The following NALF1 variants were observed in gnomAD, a reference collection of about 807,000 sequenced individuals.
The protein encoded by NALF1 is NALCN channel auxiliary factor 1.
Under a neutral mutation model 48.4 loss-of-function variants are expected in NALF1, and 3 were observed. The ratio of observed to expected loss-of-function variants is 0.06; its 90% CI spans 0.03 to 0.16. The LOEUF (loss-of-function observed/expected upper bound fraction) is 0.16. Among genes scored for constraint, NALF1 ranks in the 10% least tolerant of loss-of-function variants. The pLI is 1.00. For missense variants in NALF1, 526 were observed against 571.5 expected (o/e 0.92, Z 0.81); for synonymous variants, 262 against 245.7 (o/e 1.07, Z -0.62).
chr13:107,798,539 C>T lies in NALF1; in HGVS notation c.915+67143G>A, dbSNP rs1878503304. On this transcript the variant is annotated intron_variant, in intron 1 of 2. Transcript: ENST00000375915. ...TTCCCTATCATCTTATATATCCTTC[C>T]TTTACTTCAGTTCTCGTGTTTGTGT... is the stretch of plus-strand genomic sequence containing the variant. 2.6e-5 allele frequency among the ~76,000 whole-genome samples: 4 copies of T among 152,088 alleles called. No homozygotes were observed. In the South Asian group the frequency reaches 8.3e-4, roughly 32 times the overall value.
At chr13:107,786,298 C>T (rs1878068186) in intron 1 of NALF1, among the ~76,000 whole-genome samples, 1 of 151,274 alleles carries the variant, frequency 6.6e-6, no homozygotes, top group African/African-American at 2.4e-5. Context: ...TGCCTGTAAT[C>T]CCAGCTACTT....
intron 1 of NALF1, among the ~76,000 whole-genome samples, chr13:107,794,087 T>A (rs750108499): frequency 3.9e-5 from 6 of 152,196 alleles, no homozygotes; most frequent in Non-Finnish European, 5.9e-5. Context: ...AAGAGTTAAA[T>A]GTCTTATTTA....
chr13:107,780,066 T>C (rs1158648051), intron 1 of NALF1, among the ~76,000 whole-genome samples: 1 of 151,862 alleles, frequency 6.6e-6, no homozygotes, highest in Non-Finnish European at 1.5e-5. Context: ...ACTTTACAAT[T>C]GCTACTGCGG....
chr13:107,809,096 T>C (rs1419698071), intron 1 of NALF1, among the ~76,000 whole-genome samples: 1 of 151,876 alleles, frequency 6.6e-6, no homozygotes, highest in Non-Finnish European at 1.5e-5. Flanking sequence ...GGGAAGCAGA[T>C]TCAATTTTAA....
At chr13:107,347,351 T>A (rs991076715) in intron 1 of NALF1, among the ~76,000 whole-genome samples, 10 of 152,186 alleles carry the variant, frequency 6.6e-5, no homozygotes, top group African/African-American at 2.2e-4. Flanking sequence ...TCCTCAGCCC[T>A]GCTGAAACAA....
chr13:107,414,677 T>C (rs9301223), intron 1 of NALF1, among the ~76,000 whole-genome samples: 30,979 of 151,860 alleles, frequency 0.2, 3,592 homozygotes, highest in Middle Eastern at 0.27. Context: ...TTAAAAGGAA[T>C]AGTTCTATCA....
intron 1 of NALF1, among the ~76,000 whole-genome samples, chr13:107,528,999 T>G (rs1233820314): frequency 1.3e-5 from 2 of 152,282 alleles, no homozygotes; most frequent in East Asian, 1.9e-4. Flanking sequence ...TAACCCTGCT[T>G]ATTTTCCAAT....
chr13:107,333,666 AAATACTC>A (rs1882508185), intron 1 of NALF1, among the ~76,000 whole-genome samples: 1 of 152,232 alleles, frequency 6.6e-6, no homozygotes. Flanking sequence ...GAAAAAGACC[AAATACTC>A]ATATACTTGA....
In NALF1 at chr13:107,807,010, C is replaced by T. The variant is rs192702891; in HGVS notation, c.915+58672G>A. Reference sequence around the variant, plus strand: ...TTGGTGAATTCCAATGTGTTTGAAACTCTAAATATCACGCCAGTAGACACT... The same window carrying T: ...TTGGTGAATTCCAATGTGTTTGAAATTCTAAATATCACGCCAGTAGACACT... On this transcript the variant is annotated intron_variant, in intron 1 of 2. Coordinates refer to ENST00000375915, the MANE Select transcript of NALF1 (RefSeq NM_001080396.3). Among the ~76,000 whole-genome samples the T allele has an allele frequency of 1.5e-3, 230 of 152,180 alleles. 2 individuals are homozygous for T. In the East Asian group the frequency reaches 0.029, roughly 19 times the overall value.
At chr13:107,337,064 AAAAAAAAAAAAAAT>A (rs1170881142) in intron 1 of NALF1, among the ~76,000 whole-genome samples, 10 of 124,688 alleles carry the variant, frequency 8.0e-5, no homozygotes, top group South Asian at 2.5e-4. Flanking sequence ...AAAAAAAAAA[AAAAAAAAAAAAAAT>A]GTCAGAAGAA....
intron 1 of NALF1, among the ~76,000 whole-genome samples, chr13:107,309,132 A>G (rs1288949468): frequency 7.5e-6 from 1 of 134,072 alleles, no homozygotes; most frequent in African/African-American, 2.8e-5. Flanking sequence ...TGAGTACGTC[A>G]TCTTACTTAT....
chr13:107,706,232 T>A (rs1000613596), intron 1 of NALF1, among the ~76,000 whole-genome samples: 1 of 152,110 alleles, frequency 6.6e-6, no homozygotes, highest in African/African-American at 2.4e-5. Context: ...TTTCCGCAAC[T>A]CCCCACATAA....
intron 1 of NALF1, among the ~76,000 whole-genome samples, chr13:107,774,662 TA>T (rs1320214757): frequency 6.6e-6 from 1 of 152,204 alleles, no homozygotes; most frequent in Non-Finnish European, 1.5e-5. Context: ...GGCTTCCTAT[TA>T]TATGCAATAC....
intron 1 of NALF1, among the ~76,000 whole-genome samples, chr13:107,441,647 T>A (rs977026403): frequency 6.6e-6 from 1 of 152,096 alleles, no homozygotes. Context: ...ATGTGAGACG[T>A]CAACAGGGCA....
At chr13:107,670,601 T>C (rs1225770159) in intron 1 of NALF1, among the ~76,000 whole-genome samples, 1 of 152,140 alleles carries the variant, frequency 6.6e-6, no homozygotes. Flanking sequence ...CTCTTTACTA[T>C]CATTGTAATA....
At chr13:107,658,350 A>T (rs1020183051) in intron 1 of NALF1, among the ~76,000 whole-genome samples, 4 of 151,446 alleles carry the variant, frequency 2.6e-5, no homozygotes, top group African/African-American at 9.7e-5. Flanking sequence ...ATGCCTCTGG[A>T]TCTCTTTTTC....
chr13:107,470,755 T>A (rs754690497), intron 1 of NALF1, among the ~76,000 whole-genome samples: 7 of 152,168 alleles, frequency 4.6e-5, no homozygotes, highest in Admixed American at 1.3e-4. Flanking sequence ...ACTGTTGAAA[T>A]GTTTTGGAGT....
intron 1 of NALF1, among the ~76,000 whole-genome samples, chr13:107,211,883 C>T (rs750365482): frequency 1.3e-5 from 2 of 152,126 alleles, no homozygotes; most frequent in South Asian, 4.1e-4. Context: ...ATGTGATTCT[C>T]AGCATGCACT....
intron 1 of NALF1, among the ~76,000 whole-genome samples, chr13:107,792,676 TGTTA>T (rs1391949985): frequency 1.3e-5 from 2 of 152,224 alleles, no homozygotes; most frequent in Non-Finnish European, 2.9e-5. Flanking sequence ...TCCAGATGTA[TGTTA>T]GTTAAAGTTC....
Sources: allele counts gnomAD v4.1 joint callset (sites outside exome capture counted in the v4.1 genomes callset), GRCh38; gene constraint gnomAD v4.1.1; transcripts MANE v1.5; gene names NCBI Gene and HGNC (gene_info 2026-07-23, HGNC 2026-07-21).